The following SH3BGRL2 variants were observed in gnomAD, a reference collection of about 807,000 sequenced individuals.
The protein encoded by SH3BGRL2 is SH3 domain binding glutamate rich protein like 2, also known as SH3 domain-binding glutamic acid-rich-like protein 2.
Under a neutral mutation model 14.8 loss-of-function variants are expected in SH3BGRL2, and 21 were observed. That is an observed-to-expected ratio of 1.42 (90% confidence interval 1.01 to 2.05). SH3BGRL2 has a LOEUF of 2.05. Among genes scored for constraint, SH3BGRL2 ranks in the 30% most tolerant of loss-of-function variants. SH3BGRL2 has a pLI of 0.00. For synonymous variants in SH3BGRL2, 50 were observed against 47.8 expected, an observed-to-expected ratio of 1.05 and a Z score of -0.19; for missense variants, 147 against 130.8, an observed-to-expected ratio of 1.12 and a Z score of -0.61.
the SH3BGRL2 span, among the ~76,000 whole-genome samples, chr6:79,563,682 T>C: frequency 1.3e-5 from 2 of 152,022 alleles, no homozygotes; most frequent in African/African-American, 2.4e-5. Flanking sequence ...AGGCCATTCA[T>C]AAAAAATCAG....
chr6:79,629,718 C>G (rs1234594581), upstream of SH3BGRL2, among the ~76,000 whole-genome samples: 1 of 152,180 alleles, frequency 6.6e-6, no homozygotes, highest in African/African-American at 2.4e-5. Context: ...TCCTTTACAT[C>G]CACACAACAC....
the SH3BGRL2 span, among the ~76,000 whole-genome samples, chr6:79,545,948 A>G: frequency 6.6e-6 from 1 of 152,164 alleles, no homozygotes; most frequent in Non-Finnish European, 1.5e-5. Flanking sequence ...CTCAATTTTC[A>G]TATAAACTTC....
the SH3BGRL2 span, among the ~76,000 whole-genome samples, chr6:79,573,270 G>A: frequency 6.6e-6 from 1 of 152,228 alleles, no homozygotes; most frequent in South Asian, 2.1e-4. Context: ...CTACTGATCT[G>A]CAATGCCACT....
At chr6:79,611,489 A>G in the SH3BGRL2 span, among the ~76,000 whole-genome samples, 1 of 149,870 alleles carries the variant, frequency 6.7e-6, no homozygotes, top group African/African-American at 2.5e-5. Flanking sequence ...TCACTGCAGC[A>G]ACCTCCACCT....
the SH3BGRL2 span, among the ~76,000 whole-genome samples, chr6:79,617,711 T>G: frequency 2.0e-5 from 3 of 152,238 alleles, no homozygotes; most frequent in Non-Finnish European, 4.4e-5. Flanking sequence ...GTTAACTCCC[T>G]GCTCTCTCCC....
intron 1 of SH3BGRL2, among the ~76,000 whole-genome samples, chr6:79,648,301 TAA>T (rs1491193770): frequency 4.3e-5 from 5 of 116,922 alleles, no homozygotes; most frequent in Admixed American, 9.6e-5. Context: ...ATATTATATA[TAA>T]TATATATATA....
intron 1 of SH3BGRL2, among the ~76,000 whole-genome samples, chr6:79,651,649 T>C (rs1769298547): frequency 6.6e-6 from 1 of 152,184 alleles, no homozygotes; most frequent in Non-Finnish European, 1.5e-5. Flanking sequence ...TGAAGCTACC[T>C]GACTGAGACC....
intron 1 of SH3BGRL2, among the ~76,000 whole-genome samples, chr6:79,659,151 C>T (rs574139060): frequency 6.6e-6 from 1 of 152,276 alleles, no homozygotes; most frequent in East Asian, 1.9e-4. Context: ...AATTAGATCC[C>T]ATTTGTCAAT....
At chr6:79,588,985 T>C in the SH3BGRL2 span, among the ~76,000 whole-genome samples, 1 of 152,158 alleles carries the variant, frequency 6.6e-6, no homozygotes, top group South Asian at 2.1e-4. Context: ...CAAGACCCCC[T>C]GCAGATACCA....
chr6:79,601,241 G>A, the SH3BGRL2 span, among the ~76,000 whole-genome samples: 1 of 152,234 alleles, frequency 6.6e-6, no homozygotes, highest in Non-Finnish European at 1.5e-5. Flanking sequence ...AGGCTGGAGT[G>A]CAGTGGCACA....
chr6:79,581,692 G>C, the SH3BGRL2 span, among the ~76,000 whole-genome samples: 1 of 152,148 alleles, frequency 6.6e-6, no homozygotes, highest in Non-Finnish European at 1.5e-5. Context: ...CATACTGAAT[G>C]GGCAAAAACT....
chr6:79,617,992 G>T, the SH3BGRL2 span, among the ~76,000 whole-genome samples: 1 of 152,138 alleles, frequency 6.6e-6, no homozygotes, highest in Non-Finnish European at 1.5e-5. Context: ...ATATTTGATG[G>T]TATCAACATC....
At chr6:79,620,891 A>G in the SH3BGRL2 span, among the ~76,000 whole-genome samples, 1 of 152,122 alleles carries the variant, frequency 6.6e-6, no homozygotes, top group Non-Finnish European at 1.5e-5. Flanking sequence ...TTTGGTGTAA[A>G]TCAAGCACTT....
intron 1 of SH3BGRL2, among the ~76,000 whole-genome samples, chr6:79,655,154 T>C (rs186307293): frequency 5.3e-4 from 81 of 152,238 alleles, no homozygotes; most frequent in African/African-American, 1.9e-3. Context: ...AGGGAAGATT[T>C]ACTTGAGAGG....
At chr6:79,631,563 AGGCGCGC>A (rs1768825239) in intron 1 of SH3BGRL2, 57 bp downstream of exon 1, 7 of 1,294,770 alleles carry the variant, frequency 5.4e-6, no homozygotes, top group Non-Finnish European at 7.0e-6. Context: ...GTCCTGCGGG[AGGCGCGC>A]GGCGCTCGTC....
intron 1 of SH3BGRL2, among the ~76,000 whole-genome samples, chr6:79,633,596 G>A (rs1304266710): frequency 6.6e-6 from 1 of 152,134 alleles, no homozygotes; most frequent in Non-Finnish European, 1.5e-5. Context: ...GTTACCACAT[G>A]CTTACAGACT....
At chr6:79,589,206 AT>A in the SH3BGRL2 span, among the ~76,000 whole-genome samples, 89 of 141,408 alleles carry the variant, frequency 6.3e-4, no homozygotes, top group African/African-American at 1.8e-3. Flanking sequence ...ATATATATAT[AT>A]TTTTTTTTTT....
the SH3BGRL2 span, among the ~76,000 whole-genome samples, chr6:79,571,711 G>A: frequency 1.3e-5 from 2 of 151,960 alleles, no homozygotes; most frequent in Non-Finnish European, 2.9e-5. Flanking sequence ...AGTTAATTTG[G>A]TGTTTATGAT....
intron 1 of SH3BGRL2, among the ~76,000 whole-genome samples, chr6:79,666,071 T>A (rs1769654323): frequency 6.6e-6 from 1 of 152,202 alleles, no homozygotes; most frequent in South Asian, 2.1e-4. Flanking sequence ...TGCTGAGGGT[T>A]TCAGTTAGGA....
Sources: allele counts gnomAD v4.1 joint callset (sites outside exome capture counted in the v4.1 genomes callset), GRCh38; gene constraint gnomAD v4.1.1; transcripts MANE v1.5; gene names NCBI Gene and HGNC (gene_info 2026-07-23, HGNC 2026-07-21).